ARHGAP24: variants seen among roughly 807,000 people sequenced by gnomAD.
The protein encoded by ARHGAP24 is Rho GTPase activating protein 24.
Under a neutral mutation model 76.4 loss-of-function variants are expected in ARHGAP24, and 50 were observed. The ratio of observed to expected loss-of-function variants is 0.65; its 90% CI spans 0.52 to 0.83. The LOEUF (loss-of-function observed/expected upper bound fraction) is 0.83. ARHGAP24 is among the 40% of genes least tolerant of loss of function. The pLI is 0.00. For missense variants in ARHGAP24, 930 were observed against 914.2 expected, an observed-to-expected ratio of 1.02 and a Z score of -0.22; for synonymous variants, 345 against 323.3, an observed-to-expected ratio of 1.07 and a Z score of -0.72.
At chr4:85,668,641 G>A (rs1020298653) in intron 2 of ARHGAP24, among the ~76,000 whole-genome samples, 1 of 152,168 alleles carries the variant, frequency 6.6e-6, no homozygotes, top group Non-Finnish European at 1.5e-5. Context: ...CTTGCAAAGA[G>A]CCTGGCTTTT....
At chr4:85,494,247 T>A (rs994062295) in intron 1 of ARHGAP24, among the ~76,000 whole-genome samples, 3 of 152,128 alleles carry the variant, frequency 2.0e-5, no homozygotes, top group Non-Finnish European at 1.5e-5. Flanking sequence ...TTGCTGCACC[T>A]ACTGACCCAT....
intron 5 of ARHGAP24, among the ~76,000 whole-genome samples, chr4:85,955,556 T>G (rs745621429): frequency 1.1e-4 from 16 of 152,236 alleles, no homozygotes; most frequent in Non-Finnish European, 2.1e-4. Context: ...TTCCTTGGCT[T>G]GTAGCTACAT....
At chr4:85,500,056 A>G (rs958752387) in intron 1 of ARHGAP24, among the ~76,000 whole-genome samples, 1 of 152,164 alleles carries the variant, frequency 6.6e-6, no homozygotes. Context: ...TACACACTAG[A>G]TTTTTAAGAC....
intron 4 of ARHGAP24, among the ~76,000 whole-genome samples, chr4:85,940,243 G>T (rs979801853): frequency 6.6e-6 from 1 of 151,982 alleles, no homozygotes; most frequent in African/African-American, 2.4e-5. Flanking sequence ...AAGCTATCTG[G>T]ACAAAGGTGC....
At chr4:85,652,661 A>G (rs1430461183) in intron 2 of ARHGAP24, among the ~76,000 whole-genome samples, 2 of 152,184 alleles carry the variant, frequency 1.3e-5, no homozygotes, top group Non-Finnish European at 2.9e-5. Context: ...CCTTTCCTCT[A>G]ATCAATGATA....
chr4:85,730,986 GCACA>G (rs200255967), intron 3 of ARHGAP24, among the ~76,000 whole-genome samples: 9,724 of 133,778 alleles, frequency 0.073, 397 homozygotes, highest in Non-Finnish European at 0.1. Flanking sequence ...TAATATAACT[GCACA>G]CACACACACA....
intron 3 of ARHGAP24, among the ~76,000 whole-genome samples, chr4:85,768,413 G>GA (rs1386936383): frequency 3.3e-5 from 5 of 151,968 alleles, no homozygotes; most frequent in East Asian, 1.9e-4. Flanking sequence ...ATTAAAATCT[G>GA]AAAAAAAGCC....
At chr4:85,936,623 C>A (rs1736648154) in intron 4 of ARHGAP24, among the ~76,000 whole-genome samples, 1 of 152,050 alleles carries the variant, frequency 6.6e-6, no homozygotes. Context: ...ATAAAATCCT[C>A]TTTTGACTAG....
rs867018403 is a variant in ARHGAP24 at position 85,583,760 on chromosome 4, C to A, written c.180+13039C>A. ...CAAATTTACAAGAAAAAAAAAAAAA[C>A]CCCATCAAAAAGTGGGCAAAGGACA... On this transcript the variant is annotated intron_variant, in intron 2 of 9. Transcript: ENST00000395184. Among the ~76,000 whole-genome samples, 608 of 144,758 alleles carry A rather than the reference C, an allele frequency of 4.2e-3. 7 individuals are homozygous for A. The highest frequency in any genetic ancestry group is 0.013 in the African/African-American group (474 of 37,042). The allele number at this position is 144,758 out of a possible 152,430, so 95.0% of individuals were successfully genotyped here.
intron 2 of ARHGAP24, among the ~76,000 whole-genome samples, chr4:85,711,376 C>G: frequency 6.6e-6 from 1 of 152,100 alleles, no homozygotes; most frequent in Non-Finnish European, 1.5e-5. Flanking sequence ...GAACTTAAAA[C>G]TTAAAAAATC....
In ARHGAP24 at chr4:85,789,995, A is replaced by G. The variant is rs373061951; in HGVS notation, c.268+68023A>G. 9.2e-5 allele frequency among the ~76,000 whole-genome samples: 14 copies of G among 152,262 alleles called. No individual in the cohort carries two copies. In the East Asian group the frequency reaches 1.9e-3, roughly 21 times the overall value. ...TCCTTTCCTCTTTTCTTCTCTCAAT[A>G]AAGCTGTGTACATTACAATTTTTTT... On this transcript the variant is annotated intron_variant, in intron 3 of 9. Coordinates refer to ENST00000395184, the MANE Select transcript of ARHGAP24 (RefSeq NM_001025616.3).
intron 3 of ARHGAP24, among the ~76,000 whole-genome samples, chr4:85,889,874 T>G (rs1343112027): frequency 3.9e-5 from 6 of 152,138 alleles, no homozygotes; most frequent in African/African-American, 1.4e-4. Flanking sequence ...ATCCTCTGAG[T>G]CCTGGAAGAA....
chr4:85,752,042 C>A (rs1477600177), intron 3 of ARHGAP24, among the ~76,000 whole-genome samples: 1 of 152,170 alleles, frequency 6.6e-6, no homozygotes, highest in Non-Finnish European at 1.5e-5. Flanking sequence ...GGAGATGTGG[C>A]AAGGAAGAGT....
At chr4:85,762,311 G>T (rs898998430) in intron 3 of ARHGAP24, among the ~76,000 whole-genome samples, 3 of 152,064 alleles carry the variant, frequency 2.0e-5, no homozygotes, top group Admixed American at 2.0e-4. Flanking sequence ...ATTTGACTCT[G>T]TAAGCATTTG....
intron 4 of ARHGAP24, among the ~76,000 whole-genome samples, chr4:85,939,647 C>T (rs997552340): frequency 7.9e-5 from 12 of 151,922 alleles, no homozygotes; most frequent in African/African-American, 2.7e-4. Flanking sequence ...AAAAGGAAAC[C>T]GAATTCACGT....
At chr4:85,986,169 C>A (rs1739979724) in intron 8 of ARHGAP24, among the ~76,000 whole-genome samples, 3 of 151,974 alleles carry the variant, frequency 2.0e-5, no homozygotes, top group Admixed American at 2.0e-4. Context: ...CATTCCTTAC[C>A]ATTATTCTTC....
chr4:85,626,866 A>G (rs963050864), intron 2 of ARHGAP24, among the ~76,000 whole-genome samples: 4 of 152,202 alleles, frequency 2.6e-5, no homozygotes, highest in Non-Finnish European at 5.9e-5. Context: ...AGTTGATCGC[A>G]TCGGCTACTG....
intron 3 of ARHGAP24, among the ~76,000 whole-genome samples, chr4:85,760,418 G>A (rs1479561164): frequency 1.3e-5 from 2 of 152,122 alleles, no homozygotes; most frequent in African/African-American, 4.8e-5. Context: ...CATATGAAAT[G>A]CCATTCTTTT....
At chr4:85,629,164 A>G (rs1052222215) in intron 2 of ARHGAP24, among the ~76,000 whole-genome samples, 4 of 152,152 alleles carry the variant, frequency 2.6e-5, no homozygotes, top group African/African-American at 9.6e-5. Flanking sequence ...AAGGCTTACA[A>G]AGAACCTCTT....
Sources: allele counts gnomAD v4.1 joint callset (sites outside exome capture counted in the v4.1 genomes callset), GRCh38; gene constraint gnomAD v4.1.1; transcripts MANE v1.5; gene names NCBI Gene and HGNC (gene_info 2026-07-23, HGNC 2026-07-21).